The following PRKAR2A variants were observed in gnomAD, a reference collection of about 807,000 sequenced individuals.
PRKAR2A encodes the protein cAMP-dependent protein kinase type II-alpha regulatory subunit.
PRKAR2A carries 29 observed loss-of-function variants against 51.9 expected under a neutral mutation model. That is an observed-to-expected ratio of 0.56 (90% CI 0.42 to 0.76). PRKAR2A has a LOEUF of 0.76. Among genes scored for constraint, PRKAR2A ranks in the 30% least tolerant of loss-of-function variants. The pLI, the probability that PRKAR2A is intolerant of heterozygous loss-of-function variation, is 0.00. For synonymous variants in PRKAR2A, 178 were observed against 186.2 expected, an observed-to-expected ratio of 0.96 and a Z score of 0.36; for missense variants, 445 against 512.1, an observed-to-expected ratio of 0.87 and a Z score of 1.26.
Position 48,751,403 on chromosome 3 carries a change from G to A in PRKAR2A, c.*182C>T. Reference sequence around the variant, plus strand: ...CTTCAGAAGCAAAGTGGAGGTGTGGGTTGAACCTCTGCCCATCCTTTAGTG... The same window carrying A: ...CTTCAGAAGCAAAGTGGAGGTGTGGATTGAACCTCTGCCCATCCTTTAGTG... On this transcript the variant is annotated 3_prime_UTR_variant, in exon 11 of 11. Transcript: ENST00000265563. The A allele has an allele frequency of 1.2e-6, 1 of 850,348 alleles. No homozygotes were observed. Among genetic ancestry groups the A allele is most frequent in the Non-Finnish European group, 1.9e-6 (1 of 520,430 alleles). 52.7% of individuals were successfully genotyped at this position (850,348 alleles called of 1,614,324 possible).
chr3:48,797,220 T>C (rs766484147), intron 2 of PRKAR2A, among the ~76,000 whole-genome samples: 1 of 152,070 alleles, frequency 6.6e-6, no homozygotes, highest in Non-Finnish European at 1.5e-5. Context: ...CAGGCTGTAG[T>C]GCAGTTGACA....
intron 6 of PRKAR2A, among the ~76,000 whole-genome samples, chr3:48,769,477 C>T (rs1021778001): frequency 1.3e-5 from 2 of 150,012 alleles, no homozygotes; most frequent in African/African-American, 4.9e-5. Context: ...TCTCTTACAG[C>T]GACTTTTTTT....
intron 1 of PRKAR2A, among the ~76,000 whole-genome samples, chr3:48,846,657 G>A (rs2083468334): frequency 6.6e-6 from 1 of 152,214 alleles, no homozygotes. Context: ...CGGCCGGCAA[G>A]ATAATTATTT....
intron 8 of PRKAR2A, among the ~76,000 whole-genome samples, chr3:48,761,672 G>C (rs1040728601): frequency 2.0e-5 from 3 of 152,132 alleles, no homozygotes; most frequent in Non-Finnish European, 4.4e-5. Context: ...AATGCAAGTG[G>C]CATGATCTTG....
intron 8 of PRKAR2A, among the ~76,000 whole-genome samples, chr3:48,760,775 T>A (rs986694005): frequency 2.4e-5 from 3 of 125,332 alleles, no homozygotes; most frequent in Non-Finnish European, 5.0e-5. Context: ...GCGGGGGTGG[T>A]GGTGAGCTGA....
chr3:48,828,076 G>C (rs1423470591), intron 1 of PRKAR2A, among the ~76,000 whole-genome samples: 1 of 152,158 alleles, frequency 6.6e-6, no homozygotes, highest in East Asian at 1.9e-4. Context: ...ACGTTGGTCA[G>C]GCTGGTCTCG....
In PRKAR2A at chr3:48,803,581, C is replaced by T. The variant is rs537742594; in HGVS notation, c.298+4068G>A. Among the ~76,000 whole-genome samples the T allele has an allele frequency of 2.8e-3, 424 of 152,294 alleles. 7 individuals are homozygous for T. The Middle Eastern group carries it at 0.037, about 13-fold the overall frequency. ...CTGGGATTACAGGCACCTGCCACCA[C>T]ACCCAGCCAATTTTTAGTATTTTTA... is the stretch of plus-strand genomic sequence containing the variant. On this transcript the variant is annotated intron_variant, in intron 2 of 10. Coordinates refer to ENST00000265563, the MANE Select transcript of PRKAR2A (RefSeq NM_004157.4).
At chr3:48,783,548 G>A (rs556167642) in intron 4 of PRKAR2A, among the ~76,000 whole-genome samples, 2 of 152,216 alleles carry the variant, frequency 1.3e-5, no homozygotes, top group South Asian at 4.1e-4. Flanking sequence ...AGCGAAACAC[G>A]TCACTTAACC....
At chr3:48,816,037 AAAG>A (rs1351128996) in intron 1 of PRKAR2A, among the ~76,000 whole-genome samples, 2 of 151,486 alleles carry the variant, frequency 1.3e-5, no homozygotes, top group African/African-American at 2.4e-5. Flanking sequence ...AAAAAAAAAA[AAAG>A]AAGCTAGAAG....
In PRKAR2A at chr3:48,836,419, T is replaced by TAAAAAAA. The variant is rs548970318; in HGVS notation, c.262+10909_262+10915dup. Among the ~76,000 whole-genome samples, 25 of 56,092 alleles carry TAAAAAAA rather than the reference T, an allele frequency of 4.5e-4. 1 individual carries two copies. Among genetic ancestry groups the TAAAAAAA allele is most frequent in the Non-Finnish European group, 5.8e-4 (18 of 30,818 alleles). The allele number at this position is 56,092 out of a possible 152,430, so 36.8% of individuals were successfully genotyped here. On this transcript the variant is annotated intron_variant, in intron 1 of 10. Transcript: ENST00000265563. ...CTGGGCGACAGTGCGAGACTCCGTC[T>TAAAAAAA]AAAAAAAAAAAAAAAAAAAAAAAAA...
At position 48,831,726 on chromosome 3, in the gene PRKAR2A, C is replaced by G. The variant is rs2083191181; in HGVS notation, c.262+15609G>C. On this transcript the variant is annotated intron_variant, in intron 1 of 10. Coordinates refer to ENST00000265563, the MANE Select transcript of PRKAR2A (RefSeq NM_004157.4). ...TCACCTCCCGGGTTCAAGAAATTCT[C>G]ATGTCTCAGCCTCCCAAGTACCTGG... Among the ~76,000 whole-genome samples the G allele has an allele frequency of 3.3e-5, 5 of 152,054 alleles. No homozygotes were observed. In the South Asian group the frequency reaches 1.0e-3, roughly 31 times the overall value.
chr3:48,754,249 T>G (rs2081717829), intron 9 of PRKAR2A, among the ~76,000 whole-genome samples: 1 of 149,938 alleles, frequency 6.7e-6, no homozygotes, highest in Non-Finnish European at 1.5e-5. Context: ...TTCTTTTTTT[T>G]TTTTTGAGAC....
At chr3:48,821,122 GA>G (rs1253793764) in intron 1 of PRKAR2A, among the ~76,000 whole-genome samples, 1 of 152,166 alleles carries the variant, frequency 6.6e-6, no homozygotes, top group Non-Finnish European at 1.5e-5. Context: ...ATGCCTCACA[GA>G]AAGAGAAAGA....
chr3:48,771,560 A>ATTTCAT (rs1369865195), intron 6 of PRKAR2A, among the ~76,000 whole-genome samples: 4 of 152,038 alleles, frequency 2.6e-5, no homozygotes, highest in African/African-American at 9.7e-5. Context: ...ACACATTCTG[A>ATTTCAT]TTTCATTTTT....
intron 6 of PRKAR2A, among the ~76,000 whole-genome samples, chr3:48,770,957 G>A (rs1428312855): frequency 6.6e-6 from 1 of 152,216 alleles, no homozygotes; most frequent in African/African-American, 2.4e-5. Flanking sequence ...CGGGTGCGGT[G>A]GCTCTTGCCT....
At chr3:48,836,455 GC>G (rs1445681782) in intron 1 of PRKAR2A, among the ~76,000 whole-genome samples, 1 of 91,354 alleles carries the variant, frequency 1.1e-5, no homozygotes, top group Non-Finnish European at 2.2e-5. Flanking sequence ...GAAGAAGAAA[GC>G]TTTTTTAATA....
intron 8 of PRKAR2A, among the ~76,000 whole-genome samples, chr3:48,757,828 A>G (rs183831075): frequency 6.6e-6 from 1 of 151,248 alleles, no homozygotes; most frequent in Non-Finnish European, 1.5e-5. Context: ...GGCTGAGGTG[A>G]GTGGATCACC....
At chr3:48,755,066 C>G (rs1429317817) in intron 9 of PRKAR2A, among the ~76,000 whole-genome samples, 3 of 144,718 alleles carry the variant, frequency 2.1e-5, no homozygotes, top group Non-Finnish European at 3.0e-5. Context: ...GGTGTGATCT[C>G]AGCTCACGCA....
rs1165432877 is a variant in PRKAR2A, at chr3:48,752,237, G to C, written c.1020C>G (p.Ala340=). Residue 340 remains alanine (A), a synonymous_variant, in exon 10 of 11, where the codon GCC becomes GCG. Coordinates refer to ENST00000265563, the MANE Select transcript of PRKAR2A (RefSeq NM_004157.4). ...CAGCTCTGGGTTTGTTGGTGACCAGGGCAAGCTCTCCAAAGTACTGCCCCT... is the reference window on the plus strand; with the variant it reads ...CAGCTCTGGGTTTGTTGGTGACCAGCGCAAGCTCTCCAAAGTACTGCCCCT... The part of the protein sequence containing the change: ...CHKGQYFGEL[A]LVTNKPRAAS... 1.9e-6 allele frequency: 3 copies of C among 1,614,144 alleles called. No homozygotes were observed.
Sources: allele counts gnomAD v4.1 joint callset (sites outside exome capture counted in the v4.1 genomes callset), GRCh38; gene constraint gnomAD v4.1.1; transcripts MANE v1.5; gene names NCBI Gene and HGNC (gene_info 2026-07-23, HGNC 2026-07-21).